The following CRADD variants were observed in gnomAD, a reference collection of about 807,000 sequenced individuals.
The protein encoded by CRADD is death domain-containing protein CRADD.
A neutral mutation model predicts 15.5 loss-of-function variants in CRADD; 9 were observed. The observed-to-expected ratio is 0.58, with a 90% CI of 0.35 to 1.01. The LOEUF is 1.01. Ranked by LOEUF, CRADD falls within the 50% of genes least tolerant of loss-of-function variation. CRADD has a pLI of 0.02. For missense variants in CRADD, 227 were observed against 250.3 expected (o/e 0.91, Z 0.63); for synonymous variants, 118 against 107.6 (o/e 1.10, Z -0.60).
At chr12:93,853,632 G>T (rs1009316394), downstream of CRADD, among the ~76,000 whole-genome samples, 1 of 152,150 alleles carries the variant, frequency 6.6e-6, no homozygotes, top group Non-Finnish European at 1.5e-5. Context: ...GCAAAGTTTA[G>T]CACAGTCTGG....
intron 2 of CRADD, among the ~76,000 whole-genome samples, chr12:93,885,908 ACG>A (rs1958533411): frequency 1.3e-5 from 2 of 152,028 alleles, no homozygotes; most frequent in Admixed American, 6.6e-5. Context: ...GGATGATGGC[ACG>A]CACCTGTAAT....
At chr12:93,866,468 C>T (rs567592828) in intron 2 of CRADD, among the ~76,000 whole-genome samples, 1 of 152,244 alleles carries the variant, frequency 6.6e-6, no homozygotes, top group African/African-American at 2.4e-5. Context: ...CCTATTGCTT[C>T]ATGTTTACAA....
At chr12:93,708,171 T>C (rs1414181864) in intron 2 of CRADD, 1 of 152,258 alleles carries the variant, frequency 6.6e-6, no homozygotes, top group Admixed American at 6.5e-5. Context: ...AGAATATGAC[T>C]GATTCTTGCC....
chr12:93,867,388 C>T (rs1593053073), intron 2 of CRADD, among the ~76,000 whole-genome samples: 2 of 52,580 alleles, frequency 3.8e-5, no homozygotes, highest in East Asian at 5.6e-4. Context: ...TTGTATTTGA[C>T]ATATATATAT....
intron 2 of CRADD, among the ~76,000 whole-genome samples, chr12:93,698,565 C>T (rs551603736): frequency 6.6e-6 from 1 of 152,110 alleles, no homozygotes; most frequent in Non-Finnish European, 1.5e-5. Flanking sequence ...TTTTGTTTGT[C>T]TTTCTATGAG....
At chr12:93,796,375 C>A (rs1356988657) in intron 2 of CRADD, among the ~76,000 whole-genome samples, 11 of 152,028 alleles carry the variant, frequency 7.2e-5, no homozygotes, top group Admixed American at 7.2e-4. Context: ...GAGGCCAAGG[C>A]AGGTGGATCA....
intron 2 of CRADD, chr12:93,738,593 CACACGCCAGCCCT>C: frequency 3.2e-6 from 2 of 633,982 alleles, no homozygotes; most frequent in South Asian, 3.5e-5. Flanking sequence ...CCCCCTGCAC[CACACGCCAGCCCT>C]TAATAAAAAC....
intron 2 of CRADD, among the ~76,000 whole-genome samples, chr12:93,791,481 CAT>C (rs1957348697): frequency 1.3e-5 from 2 of 152,058 alleles, no homozygotes; most frequent in South Asian, 4.1e-4. Flanking sequence ...GAGTTAAACT[CAT>C]AGAAACAGAG....
downstream of CRADD, among the ~76,000 whole-genome samples, chr12:93,852,020 T>G (rs1024302985): frequency 1.3e-5 from 2 of 152,244 alleles, no homozygotes; most frequent in Admixed American, 1.3e-4. Context: ...TCTACTGGCC[T>G]TATCAGTTCA....
chr12:93,745,623 C>A (rs1353206466), intron 2 of CRADD, among the ~76,000 whole-genome samples: 1 of 152,178 alleles, frequency 6.6e-6, no homozygotes, highest in Non-Finnish European at 1.5e-5. Context: ...ATGTGATAAT[C>A]CAATCTTAGC....
At chr12:93,814,326 G>A (rs1425641156) in intron 2 of CRADD, among the ~76,000 whole-genome samples, 1 of 152,162 alleles carries the variant, frequency 6.6e-6, no homozygotes, top group Non-Finnish European at 1.5e-5. Context: ...TGGGGGCGGG[G>A]GAGGTGGAGA....
chr12:93,847,566 C>T (rs185456350), intron 2 of CRADD, among the ~76,000 whole-genome samples: 10 of 120,406 alleles, frequency 8.3e-5, no homozygotes, highest in Non-Finnish European at 1.7e-4. Flanking sequence ...ATCAGAAGAA[C>T]AGACCCAGGA....
At chr12:93,818,440 C>G (rs1957733289) in intron 2 of CRADD, among the ~76,000 whole-genome samples, 1 of 152,228 alleles carries the variant, frequency 6.6e-6, no homozygotes, top group African/African-American at 2.4e-5. Context: ...TGCCTGAGGC[C>G]TCCATTTCCT....
At chr12:93,792,388 T>G (rs989763895) in intron 2 of CRADD, among the ~76,000 whole-genome samples, 1 of 152,220 alleles carries the variant, frequency 6.6e-6, no homozygotes, top group Non-Finnish European at 1.5e-5. Flanking sequence ...ATCTTGCTGC[T>G]TTCTGCACCA....
chr12:93,786,631 A>G (rs1270482610), intron 2 of CRADD, among the ~76,000 whole-genome samples: 2 of 152,180 alleles, frequency 1.3e-5, no homozygotes, highest in African/African-American at 2.4e-5. Context: ...GATTTCTTTA[A>G]GAGACAACAT....
At chr12:93,846,000 A>T (rs1958110798) in intron 2 of CRADD, among the ~76,000 whole-genome samples, 1 of 150,582 alleles carries the variant, frequency 6.6e-6, no homozygotes. Context: ...TGAATTCGAC[A>T]ACTCCAAGTA....
chr12:93,699,385 T>A (rs890617281), intron 2 of CRADD, among the ~76,000 whole-genome samples: 2 of 152,244 alleles, frequency 1.3e-5, no homozygotes, highest in Non-Finnish European at 2.9e-5. Context: ...CTCTGCACAT[T>A]CACACGAGGA....
chr12:93,759,391 T>G (rs2136948339), intron 2 of CRADD, among the ~76,000 whole-genome samples: 1 of 151,698 alleles, frequency 6.6e-6, no homozygotes, highest in East Asian at 2.0e-4. Flanking sequence ...GTTTACAAAC[T>G]TCCTTTCTTT....
chr12:93,830,289 T>C (rs1234662676), intron 2 of CRADD, among the ~76,000 whole-genome samples: 2 of 152,202 alleles, frequency 1.3e-5, no homozygotes, highest in African/African-American at 2.4e-5. Flanking sequence ...GAGCTAATTA[T>C]TGAATGTAGA....
Sources: gnomAD v4.1 joint callset for allele counts (sites outside exome capture counted in the v4.1 genomes callset) on GRCh38, gnomAD v4.1.1 for gene constraint, MANE v1.5 for transcripts, NCBI Gene and HGNC (gene_info 2026-07-23, HGNC 2026-07-21) for gene names.